ADAM29: variants seen among roughly 807,000 people sequenced by gnomAD.
The protein encoded by ADAM29 is ADAM metallopeptidase domain 29.
For synonymous variants in ADAM29, 367 were observed against 342.3 expected (o/e 1.07, Z -0.80); for missense variants, 969 against 1,001.8 (o/e 0.97, Z 0.44).
intron 4 of ADAM29, among the ~76,000 whole-genome samples, chr4:174,962,493 CAG>C (rs1745894731): frequency 7.4e-6 from 1 of 135,742 alleles, no homozygotes; most frequent in Non-Finnish European, 1.5e-5. Context: ...GCCTGGGCGA[CAG>C]AGCGAGACTC....
At chr4:174,957,123 T>C (rs554485631) in intron 4 of ADAM29, among the ~76,000 whole-genome samples, 1 of 152,060 alleles carries the variant, frequency 6.6e-6, no homozygotes, top group Admixed American at 6.5e-5. Context: ...ACCTGATTAA[T>C]TGCATTTATG....
rs530287024 is a variant in ADAM29 at position 174,964,568 on chromosome 4, T to C, written c.-180-10778T>C. On this transcript the variant is annotated intron_variant, in intron 4 of 4. Transcript: ENST00000359240. ...CATGAAGGAAATTAGTACAGATTCT[T>C]AGGAGACCATAATCTATCTATTTTA... Among the ~76,000 whole-genome samples the C allele has an allele frequency of 2.0e-5, 3 of 152,174 alleles. No homozygotes were observed. In the East Asian group the frequency reaches 5.8e-4, roughly 29 times the overall value.
At chr4:174,950,906 C>T (rs1328939880) in intron 4 of ADAM29, among the ~76,000 whole-genome samples, 1 of 152,142 alleles carries the variant, frequency 6.6e-6, no homozygotes, top group Non-Finnish European at 1.5e-5. Context: ...TTGTCTCTCT[C>T]TCCTGCTCCC....
chr4:174,934,908 TAGAAAGC>T (rs1744114839), intron 3 of ADAM29, among the ~76,000 whole-genome samples: 1 of 152,182 alleles, frequency 6.6e-6, no homozygotes, highest in Non-Finnish European at 1.5e-5. Flanking sequence ...TCTAGTCCCT[TAGAAAGC>T]TGTGAACTAA....
At chr4:174,935,799 T>C (rs1195169519) in intron 3 of ADAM29, among the ~76,000 whole-genome samples, 3 of 152,086 alleles carry the variant, frequency 2.0e-5, no homozygotes, top group Non-Finnish European at 2.9e-5. Flanking sequence ...TGTAGACTTC[T>C]GAGTCAGCAA....
At chr4:174,924,112 T>C (rs1743349920) in intron 2 of ADAM29, 2 of 152,172 alleles carry the variant, frequency 1.3e-5, no homozygotes, top group Middle Eastern at 3.2e-3. Context: ...AAGAAATTAC[T>C]TTATTGTAAA....
intron 4 of ADAM29, among the ~76,000 whole-genome samples, chr4:174,962,234 T>G (rs1036905688): frequency 2.6e-5 from 4 of 152,080 alleles, no homozygotes; most frequent in Admixed American, 6.6e-5. Context: ...GTTAGAGGCC[T>G]GGTGCAGTGG....
chr4:174,953,837 G>A (rs965296678), intron 4 of ADAM29, among the ~76,000 whole-genome samples: 6 of 152,126 alleles, frequency 3.9e-5, no homozygotes, highest in Admixed American at 2.0e-4. Context: ...AGCCTCCTGA[G>A]TAGCTGGGAC....
intron 4 of ADAM29, among the ~76,000 whole-genome samples, chr4:174,962,196 T>C (rs1032271682): frequency 6.6e-6 from 1 of 152,192 alleles, no homozygotes; most frequent in Non-Finnish European, 1.5e-5. Flanking sequence ...TCATGTTTTC[T>C]ATAGCTATCA....
chr4:174,949,618 C>T (rs1463942708), intron 4 of ADAM29, among the ~76,000 whole-genome samples: 4 of 151,544 alleles, frequency 2.6e-5, no homozygotes, highest in African/African-American at 9.7e-5. Flanking sequence ...CCTGTGTCCA[C>T]TCTCAATTCC....
At chr4:174,952,270 C>T (rs560762782) in intron 4 of ADAM29, among the ~76,000 whole-genome samples, 3 of 151,634 alleles carry the variant, frequency 2.0e-5, no homozygotes, top group South Asian at 2.1e-4. Flanking sequence ...CTAGCTGCTG[C>T]GATGATGGCT....
At chr4:174,918,877 G>C (rs1227695951) in intron 1 of ADAM29, 1 of 152,058 alleles carries the variant, frequency 6.6e-6, no homozygotes, top group Admixed American at 6.6e-5. Flanking sequence ...TGTCTTTGGT[G>C]CATAATGAAA....
chr4:174,942,570 G>C (rs1232094928), intron 4 of ADAM29, among the ~76,000 whole-genome samples: 2 of 152,146 alleles, frequency 1.3e-5, no homozygotes, highest in Non-Finnish European at 2.9e-5. Context: ...GCTGGAGCTG[G>C]AGTGGCTGGG....
In ADAM29 at chr4:174,976,817, T is replaced by G; in HGVS notation, c.1292T>G (p.Leu431Arg). ...KDPCCLSNCT[L>R]TDGSTCAFGL... ...CCCTGCTGTCTGTCAAATTGCACTC[T>G]GACTGATGGTTCTACTTGTGCTTTT... Residue 431 changes from leucine (L) to arginine (R), a missense_variant, in exon 5 of 5, where the codon CTG (leucine) becomes CGG (arginine). Coordinates refer to ENST00000359240, the MANE Select transcript of ADAM29 (RefSeq NM_014269.4). 1.2e-6 allele frequency: 2 copies of G among 1,614,218 alleles called. No individual in the cohort carries two copies. Among genetic ancestry groups the G allele is most frequent in the Non-Finnish European group, 8.5e-7 (1 of 1,180,032 alleles).
intron 4 of ADAM29, among the ~76,000 whole-genome samples, chr4:174,939,645 A>T (rs1028942751): frequency 6.6e-6 from 1 of 152,218 alleles, no homozygotes; most frequent in African/African-American, 2.4e-5. Flanking sequence ...ATTTTGAGTT[A>T]CGTTCATCAA....
At chr4:174,945,804 A>G (rs985548448) in intron 4 of ADAM29, among the ~76,000 whole-genome samples, 1 of 152,012 alleles carries the variant, frequency 6.6e-6, no homozygotes, top group Non-Finnish European at 1.5e-5. Flanking sequence ...ATGGTTCTAC[A>G]TGTGTGGCTT....
At chr4:174,965,194 G>A (rs992918213) in intron 4 of ADAM29, among the ~76,000 whole-genome samples, 1 of 152,110 alleles carries the variant, frequency 6.6e-6, no homozygotes, top group Non-Finnish European at 1.5e-5. Context: ...TGCTTCCTCC[G>A]TGGCAGAAAG....
intron 4 of ADAM29, among the ~76,000 whole-genome samples, chr4:174,938,509 G>A (rs28577870): frequency 0.027 from 4,183 of 152,160 alleles, 186 homozygotes; most frequent in African/African-American, 0.094. Flanking sequence ...ATACAAAAGT[G>A]CTCTATGTTT....
rs181898616 is a variant in ADAM29 at position 174,946,638 on chromosome 4, A to G, written c.-181+9625A>G. 5.9e-5 allele frequency among the ~76,000 whole-genome samples: 9 copies of G among 151,922 alleles called. 1 individual carries two copies. The highest frequency in any genetic ancestry group is 5.9e-4 in the Admixed American group (9 of 15,260). The stretch of plus-strand genomic sequence containing the variant: ...TGTGATATTGGCTATGGGATTTTAA[A>G]GATGGCTTTTAGTATTTTATTGAGG... On this transcript the variant is annotated intron_variant, in intron 4 of 4. Coordinates refer to ENST00000359240, the MANE Select transcript of ADAM29 (RefSeq NM_014269.4).
Sources: gnomAD v4.1 joint callset for allele counts (sites outside exome capture counted in the v4.1 genomes callset) on GRCh38, gnomAD v4.1.1 for gene constraint, MANE v1.5 for transcripts, NCBI Gene and HGNC (gene_info 2026-07-23, HGNC 2026-07-21) for gene names.